TBC1D5: variants seen among roughly 807,000 people sequenced by gnomAD.
TBC1D5 encodes the protein TBC1 domain family member 5.
In TBC1D5, 75 loss-of-function variants were observed where a neutral mutation model predicts 100.3. That is an observed-to-expected ratio of 0.75 (90% CI 0.62 to 0.91). TBC1D5 has a LOEUF of 0.91. Ranked by LOEUF, TBC1D5 falls within the 40% of genes least tolerant of loss-of-function variation. TBC1D5 has a pLI of 0.00. For missense variants in TBC1D5, 910 were observed against 942.4 expected, an observed-to-expected ratio of 0.97 and a Z score of 0.45; for synonymous variants, 323 against 325.6, an observed-to-expected ratio of 0.99 and a Z score of 0.09.
chr3:17,544,158 G>A (rs575935865), intron 2 of TBC1D5, among the ~76,000 whole-genome samples: 87 of 152,212 alleles, frequency 5.7e-4, no homozygotes, highest in Middle Eastern at 6.8e-3. Flanking sequence ...GTGGGCCACT[G>A]CACCTGGCCC....
intron 3 of TBC1D5, among the ~76,000 whole-genome samples, chr3:17,460,700 T>C (rs1211283322): frequency 6.6e-6 from 1 of 151,816 alleles, no homozygotes; most frequent in African/African-American, 2.4e-5. Context: ...CTCTTGCATA[T>C]ATACATATAT....
chr3:17,559,665 C>T (rs1253863125), intron 2 of TBC1D5, among the ~76,000 whole-genome samples: 3 of 151,730 alleles, frequency 2.0e-5, no homozygotes, highest in African/African-American at 4.8e-5. Flanking sequence ...TCTCGGCTCA[C>T]TGCAACCTCC....
intron 15 of TBC1D5, among the ~76,000 whole-genome samples, chr3:17,264,682 A>G (rs1401743962): frequency 1.3e-5 from 2 of 152,244 alleles, no homozygotes; most frequent in African/African-American, 4.8e-5. Flanking sequence ...TGCTCCATCC[A>G]TTACTAGTGG....
intron 1 of TBC1D5, among the ~76,000 whole-genome samples, chr3:17,713,551 T>C (rs2074958471): frequency 6.6e-6 from 1 of 152,166 alleles, no homozygotes; most frequent in Non-Finnish European, 1.5e-5. Context: ...CAAATTATTG[T>C]GTTTTTCAAA....
chr3:17,717,788 T>C (rs749488017), intron 1 of TBC1D5, among the ~76,000 whole-genome samples: 6 of 152,316 alleles, frequency 3.9e-5, no homozygotes, highest in Non-Finnish European at 8.8e-5. Flanking sequence ...AAGGAATATA[T>C]TTTATATCAC....
Position 17,564,285 on chromosome 3 carries a change from C to G in TBC1D5, c.-35-55680G>C, listed in dbSNP as rs193221526. The stretch of plus-strand genomic sequence containing the variant: ...TTGAAAAACTTTACAGGGCTCCTCA[C>G]AGATCCACTGCATTCTCTTTCATGA... On this transcript the variant is annotated intron_variant, in intron 2 of 21. Transcript: ENST00000253692. Among the ~76,000 whole-genome samples, 36 of 152,302 alleles carry G rather than the reference C, an allele frequency of 2.4e-4. No homozygotes were observed. In the East Asian group the frequency reaches 6.9e-3, roughly 29 times the overall value.
intron 2 of TBC1D5, among the ~76,000 whole-genome samples, chr3:17,523,272 C>T (rs1184083800): frequency 6.6e-6 from 1 of 152,164 alleles, no homozygotes; most frequent in Non-Finnish European, 1.5e-5. Flanking sequence ...CTACTGCTTT[C>T]TCACTATGTA....
intron 2 of TBC1D5, among the ~76,000 whole-genome samples, chr3:17,556,904 G>C (rs1245851207): frequency 6.6e-6 from 1 of 152,108 alleles, no homozygotes; most frequent in Admixed American, 6.5e-5. Flanking sequence ...TAAAGAAGTA[G>C]AAGAAACCCA....
intron 2 of TBC1D5, among the ~76,000 whole-genome samples, chr3:17,593,035 T>C (rs1025373696): frequency 6.6e-6 from 1 of 152,110 alleles, no homozygotes; most frequent in Non-Finnish European, 1.5e-5. Flanking sequence ...GGTATACACA[T>C]GATCGGACTC....
intron 8 of TBC1D5, among the ~76,000 whole-genome samples, chr3:17,401,495 G>A (rs184237155): frequency 2.5e-3 from 380 of 152,042 alleles, no homozygotes; most frequent in Non-Finnish European, 4.8e-3. Flanking sequence ...TAACAAAGCA[G>A]AAATGTTCGA....
chr3:17,654,337 A>T (rs2065857691), intron 1 of TBC1D5, among the ~76,000 whole-genome samples: 1 of 152,188 alleles, frequency 6.6e-6, no homozygotes, highest in Non-Finnish European at 1.5e-5. Flanking sequence ...GATTGAAAAA[A>T]AATTTTGATA....
intron 3 of TBC1D5, among the ~76,000 whole-genome samples, chr3:17,436,821 A>T (rs2094544847): frequency 6.6e-6 from 1 of 152,242 alleles, no homozygotes. Flanking sequence ...ACATATAGCA[A>T]TAACAGATAA....
At chr3:17,479,751 T>A (rs2095479284) in intron 3 of TBC1D5, among the ~76,000 whole-genome samples, 1 of 152,162 alleles carries the variant, frequency 6.6e-6, no homozygotes, top group Non-Finnish European at 1.5e-5. Context: ...GGCAGGAAGA[T>A]CACACTGATT....
At chr3:17,222,474 A>G (rs927540890) in intron 17 of TBC1D5, among the ~76,000 whole-genome samples, 1 of 152,118 alleles carries the variant, frequency 6.6e-6, no homozygotes, top group Admixed American at 6.6e-5. Flanking sequence ...CATGTCCCCA[A>G]ATGTCCATTT....
At chr3:17,514,973 A>T (rs1023492823) in intron 2 of TBC1D5, among the ~76,000 whole-genome samples, 4 of 151,328 alleles carry the variant, frequency 2.6e-5, no homozygotes, top group Admixed American at 2.6e-4. Flanking sequence ...CCTATTTTAT[A>T]TAGATATTAC....
chr3:17,426,630 CGTAA>C (rs1363944585), intron 4 of TBC1D5, among the ~76,000 whole-genome samples: 5 of 151,960 alleles, frequency 3.3e-5, no homozygotes, highest in South Asian at 2.1e-4. Context: ...TAGTTAACAA[CGTAA>C]GTATTTATTG....
intron 3 of TBC1D5, among the ~76,000 whole-genome samples, chr3:17,440,224 C>T (rs78522402): frequency 0.011 from 1,634 of 152,158 alleles, 27 homozygotes; most frequent in African/African-American, 0.037. Flanking sequence ...AAGTCACAGA[C>T]CAAACAGGGC....
intron 1 of TBC1D5, among the ~76,000 whole-genome samples, chr3:17,727,980 T>C (rs1480418271): frequency 6.6e-6 from 1 of 152,206 alleles, no homozygotes; most frequent in East Asian, 1.9e-4. Flanking sequence ...AATATTTTGA[T>C]ACTAGAAAAA....
intron 18 of TBC1D5, among the ~76,000 whole-genome samples, chr3:17,191,611 C>T (rs2069902016): frequency 6.6e-6 from 1 of 151,918 alleles, no homozygotes; most frequent in Admixed American, 6.6e-5. Context: ...GCTATGCAAA[C>T]CTTATTTTTT....
Sources: gnomAD v4.1 joint callset for allele counts (sites outside exome capture counted in the v4.1 genomes callset) on GRCh38, gnomAD v4.1.1 for gene constraint, MANE v1.5 for transcripts, NCBI Gene and HGNC (gene_info 2026-07-23, HGNC 2026-07-21) for gene names.